The following NKAIN3 variants were observed in gnomAD, a reference collection of about 807,000 sequenced individuals.
NKAIN3 encodes the protein sodium/potassium-transporting ATPase subunit beta-1-interacting protein 3.
NKAIN3 carries 25 observed loss-of-function variants against 30.2 expected under a neutral mutation model. The observed-to-expected ratio is 0.83, with a 90% CI of 0.60 to 1.16. NKAIN3 has a LOEUF of 1.16. Among genes scored for constraint, NKAIN3 ranks in the 50% most tolerant of loss-of-function variants. The probability of loss-of-function intolerance (pLI) is 0.00; values close to 1 mark genes in which losing one functional copy is unlikely to be tolerated. For synonymous variants in NKAIN3, 91 were observed against 89.6 expected (o/e 1.02, Z -0.09); for missense variants, 225 against 254.1 (o/e 0.89, Z 0.78).
intron 3 of NKAIN3, among the ~76,000 whole-genome samples, chr8:62,683,816 A>G (rs1813718146): frequency 2.0e-5 from 3 of 152,154 alleles, no homozygotes; most frequent in Admixed American, 2.0e-4. Flanking sequence ...ATTGGCAAAA[A>G]TGAAAGAGAT....
intron 1 of NKAIN3, among the ~76,000 whole-genome samples, chr8:62,382,243 CAA>C (rs1333096849): frequency 6.6e-6 from 1 of 151,946 alleles, no homozygotes; most frequent in African/African-American, 2.4e-5. Flanking sequence ...TTAGAGAAAA[CAA>C]AATGTTATTA....
In NKAIN3 at chr8:62,967,413, T is replaced by C. The variant is rs1823738413; in HGVS notation, c.*2006T>C. Among the ~76,000 whole-genome samples, 1 of 152,104 alleles carries C rather than the reference T, an allele frequency of 6.6e-6. No individual in the cohort carries two copies. The highest frequency in any genetic ancestry group is 2.4e-5 in the African/African-American group (1 of 41,416). On this transcript the variant is annotated 3_prime_UTR_variant, in exon 7 of 7. Transcript: ENST00000623646. Reference sequence around the variant, plus strand: ...GAATTTAACGAAAAATGTAAAAAAATTCTCAGTACACAGTGAAGCACTCCA... The same window carrying C: ...GAATTTAACGAAAAATGTAAAAAAACTCTCAGTACACAGTGAAGCACTCCA...
chr8:62,639,463 A>T (rs1000455579), intron 3 of NKAIN3, among the ~76,000 whole-genome samples: 1 of 152,326 alleles, frequency 6.6e-6, no homozygotes, highest in Non-Finnish European at 1.5e-5. Context: ...GGACAAAATG[A>T]AAAAGGAGTA....
intron 4 of NKAIN3, among the ~76,000 whole-genome samples, chr8:62,822,886 A>G (rs11778288): frequency 0.56 from 84,808 of 152,074 alleles, 25,079 homozygotes; most frequent in Non-Finnish European, 0.67. Context: ...CTTAGGTTAT[A>G]TGGCATAGCC....
intron 5 of NKAIN3, among the ~76,000 whole-genome samples, chr8:62,934,576 C>A (rs2130875705): frequency 6.6e-6 from 1 of 152,090 alleles, no homozygotes; most frequent in East Asian, 1.9e-4. Context: ...AGTAAATGCA[C>A]CCCTGTAAGG....
At chr8:62,578,302 C>CA (rs1329358845) in intron 1 of NKAIN3, among the ~76,000 whole-genome samples, 1 of 152,056 alleles carries the variant, frequency 6.6e-6, no homozygotes, top group Non-Finnish European at 1.5e-5. Flanking sequence ...TATATTGACA[C>CA]ACTTTATAAT....
At chr8:62,652,551 T>A (rs375797831) in intron 3 of NKAIN3, among the ~76,000 whole-genome samples, 281 of 152,304 alleles carry the variant, frequency 1.8e-3, no homozygotes, top group African/African-American at 6.5e-3. Context: ...TATTCTCCTT[T>A]TTAGTAAGAT....
intron 4 of NKAIN3, among the ~76,000 whole-genome samples, chr8:62,750,954 T>G (rs906008672): frequency 6.6e-6 from 1 of 152,074 alleles, no homozygotes; most frequent in African/African-American, 2.4e-5. Flanking sequence ...CCACCAAGTT[T>G]TGCCCTACAC....
intron 4 of NKAIN3, among the ~76,000 whole-genome samples, chr8:62,879,956 G>T (rs1468276892): frequency 6.6e-6 from 1 of 152,028 alleles, no homozygotes. Flanking sequence ...TTAGCCTTGG[G>T]TCCATCTTCT....
chr8:62,265,497 G>A (rs960442860), intron 1 of NKAIN3, among the ~76,000 whole-genome samples: 2 of 152,132 alleles, frequency 1.3e-5, no homozygotes, highest in African/African-American at 2.4e-5. Flanking sequence ...CTATAGACAC[G>A]TAATTGGTAC....
chr8:62,763,387 G>A (rs1816735860), intron 4 of NKAIN3, among the ~76,000 whole-genome samples: 1 of 152,066 alleles, frequency 6.6e-6, no homozygotes, highest in Non-Finnish European at 1.5e-5. Context: ...AAAGCAATTA[G>A]TGTGTATCAG....
intron 3 of NKAIN3, among the ~76,000 whole-genome samples, chr8:62,714,060 C>G (rs1184601150): frequency 2.0e-5 from 3 of 152,046 alleles, no homozygotes; most frequent in Non-Finnish European, 4.4e-5. Flanking sequence ...TATGGATCAG[C>G]AGGCAATATA....
chr8:62,250,878 A>G (rs1039065389), intron 1 of NKAIN3, among the ~76,000 whole-genome samples: 3 of 152,116 alleles, frequency 2.0e-5, no homozygotes, highest in African/African-American at 7.2e-5. Context: ...TATTCCTATA[A>G]TCTCATAGCA....
chr8:62,484,829 T>C (rs1381419906), intron 1 of NKAIN3, among the ~76,000 whole-genome samples: 2 of 152,110 alleles, frequency 1.3e-5, no homozygotes, highest in African/African-American at 4.8e-5. Flanking sequence ...GTGTCTTCCA[T>C]CACAGCAAGC....
At chr8:62,308,639 G>A (rs1814330996) in intron 1 of NKAIN3, among the ~76,000 whole-genome samples, 2 of 150,386 alleles carry the variant, frequency 1.3e-5, no homozygotes, top group Admixed American at 6.6e-5. Context: ...GGTCATGGTG[G>A]AGGTAAAATT....
At chr8:62,322,818 C>G (rs916499094) in intron 1 of NKAIN3, among the ~76,000 whole-genome samples, 2 of 152,146 alleles carry the variant, frequency 1.3e-5, no homozygotes, top group Non-Finnish European at 2.9e-5. Context: ...TAGTATCCAA[C>G]ATATATGATG....
intron 3 of NKAIN3, among the ~76,000 whole-genome samples, chr8:62,729,860 A>G (rs1815411593): frequency 6.6e-6 from 1 of 152,204 alleles, no homozygotes; most frequent in South Asian, 2.1e-4. Context: ...TATGAACACT[A>G]TTACATGTGT....
intron 1 of NKAIN3, 38 bp from the exon 2 acceptor site, chr8:62,579,501 T>C: frequency 7.2e-6 from 11 of 1,534,120 alleles, no homozygotes; most frequent in South Asian, 1.3e-5. Flanking sequence ...TGATGATGCT[T>C]GGATTCAATG....
At chr8:62,764,729 A>G (rs568629832) in intron 4 of NKAIN3, among the ~76,000 whole-genome samples, 1 of 152,350 alleles carries the variant, frequency 6.6e-6, no homozygotes, top group South Asian at 2.1e-4. Flanking sequence ...TTAGAGTTAT[A>G]AAGAGTCAAT....
Sources: allele counts gnomAD v4.1 joint callset (sites outside exome capture counted in the v4.1 genomes callset), GRCh38; gene constraint gnomAD v4.1.1; transcripts MANE v1.5; gene names NCBI Gene and HGNC (gene_info 2026-07-23, HGNC 2026-07-21).